Variants in TRIM49 observed in about 807,000 individuals in gnomAD.
TRIM49 encodes tripartite motif containing 49.
A neutral mutation model predicts 27.4 loss-of-function variants in TRIM49; 5 were observed. The ratio of observed to expected loss-of-function variants is 0.18; its 90% CI spans 0.10 to 0.38. The LOEUF (loss-of-function observed/expected upper bound fraction) is 0.38, where lower values mean the gene tolerates loss of function less well. Among genes scored for constraint, TRIM49 ranks in the 10% least tolerant of loss-of-function variants. The pLI, the probability that TRIM49 is intolerant of heterozygous loss-of-function variation, is 1.00. For missense variants in TRIM49, 188 were observed against 487.5 expected, an observed-to-expected ratio of 0.39 and a Z score of 5.79; for synonymous variants, 69 against 166.0, an observed-to-expected ratio of 0.42 and a Z score of 4.49.
downstream of TRIM49, among the ~76,000 whole-genome samples, chr11:89,794,659 T>C (rs1306741371): frequency 6.9e-6 from 1 of 145,334 alleles, no homozygotes; most frequent in Non-Finnish European, 1.5e-5. Flanking sequence ...ATTTAATAAA[T>C]GGTGCTGGGA....
At chr11:89,805,853 G>A (rs1288545570) in intron 2 of TRIM49, among the ~76,000 whole-genome samples, 1 of 149,292 alleles carries the variant, frequency 6.7e-6, no homozygotes, top group Non-Finnish European at 1.5e-5. Context: ...AAGTACCTGG[G>A]ATTACAGGAA....
chr11:89,776,805 C>G, the TRIM49 span, among the ~76,000 whole-genome samples: 1 of 150,840 alleles, frequency 6.6e-6, no homozygotes. Flanking sequence ...CTTTATAAAT[C>G]CAGCATGTTT....
the TRIM49 span, chr11:89,777,041 T>G: frequency 6.5e-7 from 1 of 1,549,158 alleles, no homozygotes; most frequent in Non-Finnish European, 8.7e-7. Flanking sequence ...TTGCGTGAAC[T>G]ACTTCATAGA....
the TRIM49 span, among the ~76,000 whole-genome samples, chr11:89,774,333 T>C: frequency 6.6e-6 from 1 of 151,116 alleles, no homozygotes; most frequent in Admixed American, 6.6e-5. Flanking sequence ...ATAAACTGTG[T>C]TAAGTCAACT....
chr11:89,790,393 G>T, the TRIM49 span, among the ~76,000 whole-genome samples: 1 of 149,748 alleles, frequency 6.7e-6, no homozygotes, highest in Non-Finnish European at 1.5e-5. Context: ...CTGTCTGACA[G>T]CTTTGAAGAG....
chr11:89,790,444 G>A, the TRIM49 span, among the ~76,000 whole-genome samples: 3 of 151,586 alleles, frequency 2.0e-5, no homozygotes, highest in African/African-American at 7.3e-5. Context: ...ATCTGAGAAC[G>A]GACAGACTGC....
the TRIM49 span, among the ~76,000 whole-genome samples, chr11:89,774,318 T>C: frequency 6.6e-6 from 1 of 151,110 alleles, no homozygotes; most frequent in Non-Finnish European, 1.5e-5. Flanking sequence ...AAAATATTGC[T>C]TTGAATAAAC....
the TRIM49 span, among the ~76,000 whole-genome samples, chr11:89,791,244 T>C: frequency 6.6e-4 from 101 of 151,996 alleles, no homozygotes; most frequent in African/African-American, 2.3e-3. Context: ...TATGGGACAA[T>C]GTGAAAAGAC....
At chr11:89,780,154 T>G in the TRIM49 span, among the ~76,000 whole-genome samples, 1 of 106,186 alleles carries the variant, frequency 9.4e-6, no homozygotes. Context: ...CCGGGCCTCC[T>G]CCATCACCAT....
the TRIM49 span, chr11:89,789,362 T>G: frequency 9.5e-6 from 1 of 104,798 alleles, no homozygotes; most frequent in African/African-American, 3.8e-5. Context: ...CAAGTCACCA[T>G]GAGCCCTACC....
intron 4 of TRIM49, 117 bp downstream of exon 4, chr11:89,803,581 C>A: frequency 8.4e-7 from 1 of 1,193,160 alleles, no homozygotes; most frequent in South Asian, 1.5e-5. Flanking sequence ...TTTCTCTCGC[C>A]TTTTTTTTTT....
At chr11:89,794,913 C>G (rs1161832160), downstream of TRIM49, among the ~76,000 whole-genome samples, 2 of 150,590 alleles carry the variant, frequency 1.3e-5, no homozygotes, top group Non-Finnish European at 2.9e-5. Context: ...TAAAGAGCTC[C>G]TGCACAGCAA....
downstream of TRIM49, among the ~76,000 whole-genome samples, chr11:89,793,052 A>G (rs1192362530): frequency 6.6e-6 from 1 of 152,128 alleles, no homozygotes; most frequent in Non-Finnish European, 1.5e-5. Context: ...ATAAAAAATG[A>G]TAAAGGGGAT....
rs1178578169 is a variant in TRIM49 at position 89,807,560 on chromosome 11, A to T, written c.-190-276T>A. On this transcript the variant is annotated intron_variant, in intron 1 of 7. Transcript: ENST00000329758. ...CATTCCTCTAAGTGCACATTTATTT[A>T]TTCTAGAGAAAGGGTCTCCTTCTGG... Among the ~76,000 whole-genome samples, 26 of 150,386 alleles carry T rather than the reference A, an allele frequency of 1.7e-4. No individual in the cohort carries two copies. In the East Asian group the frequency reaches 4.7e-3, roughly 27 times the overall value.
At chr11:89,791,530 C>A in the TRIM49 span, among the ~76,000 whole-genome samples, 1 of 150,984 alleles carries the variant, frequency 6.6e-6, no homozygotes, top group African/African-American at 2.4e-5. Context: ...GCCCATCAGA[C>A]TAACAGCAGA....
chr11:89,769,415 A>T, the TRIM49 span, among the ~76,000 whole-genome samples: 2 of 137,076 alleles, frequency 1.5e-5, 1 homozygote, highest in Non-Finnish European at 3.0e-5. Context: ...GAGGAGTGTC[A>T]TGCCATGTTA....
At chr11:89,784,113 T>G in the TRIM49 span, among the ~76,000 whole-genome samples, 1 of 116,116 alleles carries the variant, frequency 8.6e-6, no homozygotes, top group Non-Finnish European at 1.6e-5. Context: ...AAAACCATAT[T>G]TATTCTTAAC....
intron 2 of TRIM49, among the ~76,000 whole-genome samples, chr11:89,806,318 T>C (rs1472303366): frequency 6.6e-6 from 1 of 150,746 alleles, no homozygotes; most frequent in Non-Finnish European, 1.5e-5. Context: ...CACACATATA[T>C]GTATACATCC....
At chr11:89,767,559 T>C in the TRIM49 span, among the ~76,000 whole-genome samples, 1 of 124,930 alleles carries the variant, frequency 8.0e-6, no homozygotes, top group Admixed American at 7.5e-5. Context: ...TTCTGAAAAG[T>C]GCAGATTCCT....
Sources: gnomAD v4.1 joint callset for allele counts (sites outside exome capture counted in the v4.1 genomes callset) on GRCh38, gnomAD v4.1.1 for gene constraint, MANE v1.5 for transcripts, NCBI Gene and HGNC (gene_info 2026-07-23, HGNC 2026-07-21) for gene names.